ACP7: variants seen among roughly 807,000 people sequenced by gnomAD.
ACP7 encodes the protein acid phosphatase 7, tartrate resistant (putative).
ACP7 carries 58 observed loss-of-function variants against 60.6 expected under a neutral mutation model. That is an observed-to-expected ratio of 0.96 (90% CI 0.77 to 1.19). ACP7 has a LOEUF of 1.19. Ranked by LOEUF, ACP7 falls within the 50% of genes most tolerant of loss-of-function variation. The pLI, the probability that ACP7 is intolerant of heterozygous loss-of-function variation, is 0.00. For missense variants in ACP7, 574 were observed against 596.2 expected (o/e 0.96, Z 0.39); for synonymous variants, 237 against 232.6 (o/e 1.02, Z -0.17).
At chr19:39,099,271 A>C (rs901592306) in intron 4 of ACP7, 129 bp downstream of exon 4, 1 of 1,091,910 alleles carries the variant, frequency 9.2e-7, no homozygotes, top group African/African-American at 1.7e-5. Context: ...GGCTGGGGCC[A>C]GTGTGTCTCT....
intron 11 of ACP7, among the ~76,000 whole-genome samples, chr19:39,101,942 CAAAAA>C (rs35540772): frequency 8.1e-6 from 1 of 122,990 alleles, no homozygotes; most frequent in Non-Finnish European, 1.7e-5. Context: ...CTTGTCTATA[CAAAAA>C]AAAAAAAAAA....
At chr19:39,097,457 G>C (rs1364405120) in intron 2 of ACP7, among the ~76,000 whole-genome samples, 1 of 151,826 alleles carries the variant, frequency 6.6e-6, no homozygotes, top group Non-Finnish European at 1.5e-5. Flanking sequence ...CCAGCTACTT[G>C]GGAGGCTGAG....
chr19:39,108,539 T>C (rs2073436186), intron 12 of ACP7, among the ~76,000 whole-genome samples: 1 of 152,064 alleles, frequency 6.6e-6, no homozygotes, highest in Admixed American at 6.6e-5. Flanking sequence ...GGACTTATTA[T>C]ATATAAAATG....
intron 4 of ACP7, 93 bp downstream of exon 4, chr19:39,099,235 C>G: frequency 7.7e-7 from 1 of 1,299,052 alleles, no homozygotes; most frequent in Non-Finnish European, 1.0e-6. Flanking sequence ...GGGTCGGGGG[C>G]GGTGCTAGGA....
intron 11 of ACP7, among the ~76,000 whole-genome samples, chr19:39,103,441 GTTTTTTTT>G (rs58293250): frequency 4.6e-5 from 3 of 64,718 alleles, no homozygotes; most frequent in East Asian, 9.3e-4. Flanking sequence ...ATCATCATGT[GTTTTTTTT>G]TTTTTTTTTT....
intron 11 of ACP7, among the ~76,000 whole-genome samples, chr19:39,102,767 C>CTTTCTTTCCT (rs754172891): frequency 9.9e-6 from 1 of 101,054 alleles, no homozygotes; most frequent in Non-Finnish European, 2.1e-5. Flanking sequence ...TTCTTTCTTT[C>CTTTCTTTCCT]TCTCTCTCTC....
At chr19:39,093,920 T>C (rs537633396) in intron 2 of ACP7, among the ~76,000 whole-genome samples, 27 of 152,220 alleles carry the variant, frequency 1.8e-4, no homozygotes, top group Admixed American at 6.5e-4. Flanking sequence ...CTTGTCCTCA[T>C]TCTTTTTTAC....
intron 1 of ACP7, 116 bp from the exon 2 acceptor site, chr19:39,084,976 A>G: frequency 3.3e-6 from 1 of 299,014 alleles, no homozygotes; most frequent in East Asian, 6.4e-5. Context: ...CTTCATAGCA[A>G]TGTCGTGAGG....
rs201978593 is a variant in ACP7 at position 39,110,125 on chromosome 19, C to T, written c.*7C>T. 220 of 1,611,294 alleles carry T rather than the reference C, an allele frequency of 1.4e-4. 1 individual carries two copies. The highest frequency in any genetic ancestry group is 1.2e-3 in the African/African-American group (92 of 75,000). On this transcript the variant is annotated 3_prime_UTR_variant, in exon 13 of 13. Coordinates refer to ENST00000331256, the MANE Select transcript of ACP7 (RefSeq NM_001004318.3). ...CCGGAGGATGTACCTCTAGGGATGG[C>T]GGCAGCTCTCCTCCAGAAGCCTAGG...
Position 39,101,234 on chromosome 19 carries a change from C to T in ACP7, c.973+27C>T, listed in dbSNP as rs577726953. The T allele has an allele frequency of 9.6e-5, 155 of 1,614,220 alleles. No homozygotes were observed. In the South Asian group the frequency reaches 1.3e-3, roughly 14 times the overall value. ...TGAGCGACCCTCAGGACCCATGCCCCACACCCCACCTCTCCCCAATTCAGA... is the reference window on the plus strand; with the variant it reads ...TGAGCGACCCTCAGGACCCATGCCCTACACCCCACCTCTCCCCAATTCAGA... On this transcript the variant is annotated intron_variant, in intron 9 of 12. Transcript: ENST00000331256.
chr19:39,097,874 C>T (rs994540852), intron 2 of ACP7, among the ~76,000 whole-genome samples: 4 of 151,954 alleles, frequency 2.6e-5, no homozygotes, highest in African/African-American at 9.7e-5. Context: ...TCATAACAAC[C>T]ATATAGGGCA....
chr19:39,109,264 G>A (rs981954650), intron 12 of ACP7, among the ~76,000 whole-genome samples: 3 of 152,130 alleles, frequency 2.0e-5, no homozygotes, highest in Non-Finnish European at 2.9e-5. Flanking sequence ...GGATCTGATA[G>A]CTACCATTTA....
chr19:39,098,247 C>T (rs1030786887), intron 2 of ACP7, among the ~76,000 whole-genome samples: 1 of 101,616 alleles, frequency 9.8e-6, no homozygotes, highest in African/African-American at 3.9e-5. Context: ...GAGTAAGACC[C>T]TGACTCAAAA....
At chr19:39,093,054 A>C (rs568830061) in intron 2 of ACP7, among the ~76,000 whole-genome samples, 1 of 151,888 alleles carries the variant, frequency 6.6e-6, no homozygotes, top group African/African-American at 2.4e-5. Context: ...CTGGGATTAC[A>C]GGCGTGAGCC....
chr19:39,107,467 C>T (rs1446453767), intron 12 of ACP7, among the ~76,000 whole-genome samples: 1 of 151,120 alleles, frequency 6.6e-6, no homozygotes, highest in Non-Finnish European at 1.5e-5. Flanking sequence ...GCCTATAGTC[C>T]CAGCTACTCG....
intron 11 of ACP7, among the ~76,000 whole-genome samples, chr19:39,102,039 G>A (rs542336880): frequency 6.6e-6 from 1 of 151,880 alleles, no homozygotes; most frequent in South Asian, 2.1e-4. Context: ...AGGATTGCTT[G>A]AGTGCAGGAG....
intron 11 of ACP7, 22 bp from the exon 12 acceptor site, chr19:39,106,925 T>C: frequency 6.2e-7 from 1 of 1,612,732 alleles, no homozygotes; most frequent in Non-Finnish European, 8.5e-7. Flanking sequence ...GCTCTGGGTC[T>C]GATCAGTTCT....
intron 12 of ACP7, 98 bp from the exon 13 acceptor site, chr19:39,109,954 GC>G (rs2073451875): frequency 1.6e-6 from 2 of 1,216,388 alleles, no homozygotes; most frequent in Admixed American, 1.8e-5. Context: ...GGGTTGTACA[GC>G]CCATCAGAGG....
In ACP7 at chr19:39,085,137, T is replaced by C. The variant is rs1365059144; in HGVS notation, c.-133T>C. The C allele has an allele frequency of 1.5e-5, 18 of 1,172,592 alleles. No homozygotes were observed. The highest frequency in any genetic ancestry group is 2.0e-5 in the Non-Finnish European group (17 of 849,428). The allele number at this position is 1,172,592 out of a possible 1,614,324, so 72.6% of individuals were successfully genotyped here. A position where few individuals can be genotyped will look rare whatever the true frequency, so the allele number is the denominator to read the frequency against. On this transcript the variant is annotated 5_prime_UTR_variant, in exon 2 of 13. Coordinates refer to ENST00000331256, the MANE Select transcript of ACP7 (RefSeq NM_001004318.3). ...TTGAAGGAGACCTCCCTGCCCTGCC[T>C]CTGTTGTCCCCCAGAGCACTGCCTG...
Sources: allele counts gnomAD v4.1 joint callset (sites outside exome capture counted in the v4.1 genomes callset), GRCh38; gene constraint gnomAD v4.1.1; transcripts MANE v1.5; gene names NCBI Gene and HGNC (gene_info 2026-07-23, HGNC 2026-07-21).